NME5: variants seen among roughly 807,000 people sequenced by gnomAD.
NME5 encodes the protein NME/NM23 family member 5.
A neutral mutation model predicts 21.6 loss-of-function variants in NME5; 18 were observed. That is an observed-to-expected ratio of 0.83 (90% CI 0.58 to 1.24). The LOEUF is 1.24. Ranked by LOEUF, NME5 falls within the 50% of genes most tolerant of loss-of-function variation. NME5 has a pLI of 0.00. For missense variants in NME5, 223 were observed against 255.4 expected (o/e 0.87, Z 0.86); for synonymous variants, 70 against 80.6 (o/e 0.87, Z 0.71).
intron 2 of NME5, among the ~76,000 whole-genome samples, chr5:138,131,899 A>G (rs12519826): frequency 0.18 from 27,786 of 152,048 alleles, 3,423 homozygotes; most frequent in East Asian, 0.38. Flanking sequence ...GCCTGCCACC[A>G]TGCCTGGCTA....
chr5:138,136,772 A>C (rs1362151551), intron 2 of NME5, among the ~76,000 whole-genome samples: 1 of 151,958 alleles, frequency 6.6e-6, no homozygotes, highest in Non-Finnish European at 1.5e-5. Context: ...CCTGCTGAGT[A>C]GCTGGGATTA....
At position 138,129,223 on chromosome 5, in the gene NME5, G is replaced by T. The variant is rs757317185; in HGVS notation, c.335+40C>A. The T allele has an allele frequency of 3.7e-6, 5 of 1,343,614 alleles. No individual in the cohort carries two copies. In the African/African-American group the frequency reaches 5.9e-5, roughly 16 times the overall value. The allele number at this position is 1,343,614 out of a possible 1,614,324, so 83.2% of individuals were successfully genotyped here. A position where few individuals can be genotyped will look rare whatever the true frequency, so the allele number is the denominator to read the frequency against. Reference sequence around the variant, plus strand: ...ATTTTTTTTTTTCATTTTCACAGATGGATTCCATTCCCTGCCATCCCCCAA... The same window carrying T: ...ATTTTTTTTTTTCATTTTCACAGATTGATTCCATTCCCTGCCATCCCCCAA... On this transcript the variant is annotated intron_variant, in intron 3 of 5. Transcript: ENST00000265191.
At chr5:138,130,626 T>C (rs993528043) in intron 2 of NME5, among the ~76,000 whole-genome samples, 2 of 151,888 alleles carry the variant, frequency 1.3e-5, no homozygotes, top group Non-Finnish European at 2.9e-5. Context: ...CCATCTCTAC[T>C]AAAAATACAA....
At chr5:138,128,342 T>C in intron 4 of NME5, 137 bp downstream of exon 4, 1 of 662,436 alleles carries the variant, frequency 1.5e-6, no homozygotes. Context: ...AGTTTTTAAG[T>C]AACTACAACT....
chr5:138,115,597 C>A lies in NME5; in HGVS notation c.*84G>T. The A allele has an allele frequency of 2.7e-6, 2 of 735,812 alleles. No individual in the cohort carries two copies. Among genetic ancestry groups the A allele is most frequent in the Non-Finnish European group, 2.1e-6 (1 of 467,878 alleles). 45.6% of individuals were successfully genotyped at this position (735,812 alleles called of 1,614,324 possible). ...TTATTTTACTTGTAGTTACTTAAACCCTAGAAATAATTTTTTCAAACAGTA... is the reference window on the plus strand; with the variant it reads ...TTATTTTACTTGTAGTTACTTAAACACTAGAAATAATTTTTTCAAACAGTA... On this transcript the variant is annotated 3_prime_UTR_variant, in exon 6 of 6. Coordinates refer to ENST00000265191, the MANE Select transcript of NME5 (RefSeq NM_003551.3).
chr5:138,128,303 A>T (rs370291536), intron 4 of NME5, among the ~76,000 whole-genome samples, 176 bp downstream of exon 4: 3 of 152,210 alleles, frequency 2.0e-5, no homozygotes, highest in African/African-American at 7.2e-5. Context: ...GTTGTTAGGG[A>T]AATGTCAAGT....
At chr5:138,133,098 CTTTTT>C (rs534986271) in intron 2 of NME5, among the ~76,000 whole-genome samples, 1 of 142,940 alleles carries the variant, frequency 7.0e-6, no homozygotes. Context: ...AAGGGTTCAT[CTTTTT>C]TTTTTTTTTT....
chr5:138,121,675 A>G (rs1751288481), intron 4 of NME5, among the ~76,000 whole-genome samples: 1 of 152,138 alleles, frequency 6.6e-6, no homozygotes, highest in African/African-American at 2.4e-5. Flanking sequence ...TATCACTGTC[A>G]TACCGTCTTA....
At chr5:138,127,690 T>C in intron 4 of NME5, 1 of 984,942 alleles carries the variant, frequency 1.0e-6, no homozygotes, top group Non-Finnish European at 1.2e-6. Flanking sequence ...TTCTCAAAGG[T>C]TTACAACTTC....
At chr5:138,125,252 G>C (rs1373242129) in intron 4 of NME5, among the ~76,000 whole-genome samples, 2 of 152,160 alleles carry the variant, frequency 1.3e-5, no homozygotes, top group East Asian at 3.9e-4. Context: ...TAATCATTTT[G>C]ATAGCAGGGA....
intron 4 of NME5, among the ~76,000 whole-genome samples, chr5:138,122,681 T>A (rs199591506): frequency 4.5e-3 from 3 of 668 alleles, no homozygotes; most frequent in East Asian, 0.25. Flanking sequence ...ATTTTTTTAA[T>A]TTTTTTTTTT....
At chr5:138,136,423 A>G (rs528926165) in intron 2 of NME5, among the ~76,000 whole-genome samples, 45 of 152,256 alleles carry the variant, frequency 3.0e-4, no homozygotes, top group African/African-American at 1.1e-3. Flanking sequence ...CTTTTCATAT[A>G]TTTAAAAAAT....
chr5:138,138,342 G>A (rs1751761417), intron 2 of NME5: 1 of 274,222 alleles, frequency 3.6e-6, no homozygotes. Context: ...GAAAGGGACT[G>A]TTCTGTTTTA....
rs202124208 is a variant in NME5 at position 138,115,780 on chromosome 5, A to C, written c.556-16T>G. 1 of 1,543,864 alleles carries C rather than the reference A, an allele frequency of 6.5e-7. No homozygotes were observed. The highest frequency in any genetic ancestry group is 2.3e-5 in the East Asian group (1 of 44,222). The stretch of plus-strand genomic sequence containing the variant: ...CTAGCCAAATCTATGGGAAAAAAAA[A>C]AACAACCTAAGTTAAGAAACAGTTA... On this transcript the variant is annotated splice_polypyrimidine_tract_variant and intron_variant, in intron 5 of 5. Transcript: ENST00000265191.
At chr5:138,130,005 T>A (rs1166903058) in intron 2 of NME5, among the ~76,000 whole-genome samples, 3 of 152,168 alleles carry the variant, frequency 2.0e-5, no homozygotes, top group Non-Finnish European at 4.4e-5. Flanking sequence ...GTAACAAATT[T>A]ATCGCATCTC....
intron 2 of NME5, among the ~76,000 whole-genome samples, chr5:138,131,293 A>T (rs988112576): frequency 5.9e-5 from 9 of 151,544 alleles, no homozygotes; most frequent in Non-Finnish European, 1.3e-4. Context: ...AGGCAGGAGA[A>T]TCACTTGAAC....
intron 3 of NME5, 69 bp downstream of exon 3, chr5:138,129,194 T>A: frequency 7.8e-7 from 1 of 1,276,292 alleles, no homozygotes; most frequent in Non-Finnish European, 1.1e-6. Flanking sequence ...TACAATGAAA[T>A]CAGATTTTTT....
At chr5:138,138,904 T>G in intron 1 of NME5, 119 bp from the exon 2 acceptor site, 1 of 897,022 alleles carries the variant, frequency 1.1e-6, no homozygotes, top group Non-Finnish European at 1.7e-6. Flanking sequence ...TAGTAGGTAC[T>G]TGATTTTATT....
chr5:138,118,280 C>T (rs547220116), intron 5 of NME5, among the ~76,000 whole-genome samples: 1 of 151,028 alleles, frequency 6.6e-6, no homozygotes, highest in Non-Finnish European at 1.5e-5. Context: ...CACCCACCAC[C>T]ACGCCCGGCT....
Sources: allele counts gnomAD v4.1 joint callset (sites outside exome capture counted in the v4.1 genomes callset), GRCh38; gene constraint gnomAD v4.1.1; transcripts MANE v1.5; gene names NCBI Gene and HGNC (gene_info 2026-07-23, HGNC 2026-07-21).